The following CYP1B1 variants were observed in gnomAD, a reference collection of about 807,000 sequenced individuals.
The protein encoded by CYP1B1 is cytochrome P450 1B1.
A neutral mutation model predicts 29.9 loss-of-function variants in CYP1B1; 22 were observed. That is an observed-to-expected ratio of 0.74 (90% CI 0.53 to 1.05). CYP1B1 has a LOEUF of 1.05. CYP1B1 is among the 50% of genes least tolerant of loss of function. The probability of loss-of-function intolerance (pLI) is 0.00; values close to 1 mark genes in which losing one functional copy is unlikely to be tolerated. For synonymous variants in CYP1B1, 375 were observed against 320.0 expected (o/e 1.17, Z -1.83); for missense variants, 883 against 746.9 (o/e 1.18, Z -2.12).
At position 38,071,010 on chromosome 2, in the gene CYP1B1, C is replaced by T. The variant is rs781513633; in HGVS notation, c.1344G>A (p.Lys448=). ...TCAGGTCCTTGTTGATGAGGCCATC[C>T]TTGTCCAAGAATCGAGCTGGATCAA... ...ENFDPARFLD[K]DGLINKDLTS... is the part of the protein sequence containing the mutation. The change falls in exon 3 of 3, where the codon AAG becomes AAA. Residue 448 remains lysine, a synonymous_variant. Transcript: ENST00000610745. 6.2e-7 allele frequency: 1 copy of T among 1,614,116 alleles called. No homozygotes were observed. The highest frequency in any genetic ancestry group is 1.3e-5 in the African/African-American group (1 of 75,044).
intron 2 of CYP1B1, among the ~76,000 whole-genome samples, chr2:38,073,236 G>A: frequency 6.6e-6 from 1 of 152,220 alleles, no homozygotes. Context: ...AGGAAATATA[G>A]ATTGCAGTGG....
chr2:38,074,359 G>C lies in CYP1B1; in HGVS notation c.1030C>G (p.Leu344Val). ...CAGAGGCTTTACCTGGTGAAGAGGA[G>C]GAGCAGCCACTGCAGCGCGGTGGAC... ...TLSTALQWLL[L>V]LFTRYPDVQT... Residue 344 changes from leucine to valine, a missense_variant, in exon 2 of 3, where the codon CTC (leucine) becomes GTC (valine). Coordinates refer to ENST00000610745, the MANE Select transcript of CYP1B1 (RefSeq NM_000104.4). 3.1e-6 allele frequency: 5 copies of C among 1,613,410 alleles called. No individual in the cohort carries two copies. The highest frequency in any genetic ancestry group is 4.2e-6 in the Non-Finnish European group (5 of 1,179,976).
chr2:38,073,124 C>T (rs1682461708), intron 2 of CYP1B1, among the ~76,000 whole-genome samples: 1 of 152,172 alleles, frequency 6.6e-6, no homozygotes, highest in South Asian at 2.1e-4. Context: ...CGATTTCTGC[C>T]TCTCCCTCAC....
Position 38,074,874 on chromosome 2 carries a change from C to T in CYP1B1, c.515G>A (p.Ser172Asn). The T allele has an allele frequency of 6.4e-7, 1 of 1,555,604 alleles. No individual in the cohort carries two copies. Residue 172 changes from serine to asparagine, a missense_variant, in exon 2 of 3, where the codon AGC becomes AAC. Ser to Asn is a conservative substitution (Grantham distance 46). Transcript: ENST00000610745. ...CAGCGCCACCAGCTCGCGCGCCTCG[C>T]TCAGCACGTGGCCCTCGAGGACTTG... is the stretch of plus-strand genomic sequence containing the variant. The part of the protein sequence containing the change: ...SRQVLEGHVL[S>N]EARELVALLV...
Position 38,071,040 on chromosome 2 carries a change from C to G in CYP1B1, c.1314G>C (p.Glu438Asp), listed in dbSNP as rs1206443598. The stretch of plus-strand genomic sequence containing the variant: ...CCAAGAATCGAGCTGGATCAAAGTT[C>G]TCCGGGTTAGGCCACTTCAGTGGGT... ...NHDPLKWPNP[E>D]NFDPARFLDK... Residue 438 changes from glutamate (E) to aspartate (D), a missense_variant, in exon 3 of 3, where the codon GAG becomes GAC. Coordinates refer to ENST00000610745, the MANE Select transcript of CYP1B1 (RefSeq NM_000104.4). The G allele has an allele frequency of 1.9e-6, 3 of 1,614,020 alleles. No individual in the cohort carries two copies. Among genetic ancestry groups the G allele is most frequent in the Non-Finnish European group, 8.5e-7 (1 of 1,180,010 alleles).
At chr2:38,073,234 T>C (rs960539980) in intron 2 of CYP1B1, among the ~76,000 whole-genome samples, 2 of 152,232 alleles carry the variant, frequency 1.3e-5, no homozygotes, top group Non-Finnish European at 2.9e-5. Flanking sequence ...TAAGGAAATA[T>C]AGATTGCAGT....
chr2:38,070,962 T>G lies in CYP1B1; in HGVS notation c.1392A>C (p.Ser464=). ...CGCCAATGCACCGCCTTTTGCCCACTGAAAAAATCATCACTCTGCTGGTCA... is the reference window on the plus strand; with the variant it reads ...CGCCAATGCACCGCCTTTTGCCCACGGAAAAAATCATCACTCTGCTGGTCA... ...KDLTSRVMIF[S]VGKRRCIGEE... Residue 464 remains serine (S), a synonymous_variant, in exon 3 of 3, where the codon TCA becomes TCC. Transcript: ENST00000610745. The G allele has an allele frequency of 6.2e-7, 1 of 1,614,184 alleles. No individual in the cohort carries two copies. The highest frequency in any genetic ancestry group is 8.5e-7 in the Non-Finnish European group (1 of 1,180,024).
rs778201904 is a variant in CYP1B1 at position 38,075,385 on chromosome 2, C to G, written c.4G>C (p.Gly2Arg). The stretch of plus-strand genomic sequence containing the variant: ...GGGTCGTTCGGGCTGAGGCTGGTGC[C>G]CATGCTGGGGACAGAGAGGAGAAGG... M[G>R]TSLSPNDPWP... Residue 2 changes from glycine to arginine, a missense_variant, in exon 2 of 3, where the codon GGC becomes CGC. Transcript: ENST00000610745. The G allele has an allele frequency of 6.2e-7, 1 of 1,612,358 alleles. No homozygotes were observed. The highest frequency in any genetic ancestry group is 1.1e-5 in the South Asian group (1 of 90,872).
chr2:38,071,199 A>G lies in CYP1B1; in HGVS notation c.1155T>C (p.Leu385=). 6.2e-7 allele frequency: 1 copy of G among 1,613,604 alleles called. No homozygotes were observed. The highest frequency in any genetic ancestry group is 8.5e-7 in the Non-Finnish European group (1 of 1,180,034). Residue 385 remains leucine (L), a synonymous_variant, in exon 3 of 3, where the codon CTT becomes CTC. Coordinates refer to ENST00000610745, the MANE Select transcript of CYP1B1 (RefSeq NM_000104.4). ...AGCTGGAGAAGCGCATGGCTTCATA[A>G]AGGAAGGCCAGGACATAGGGCAGGT... is the stretch of plus-strand genomic sequence containing the variant. ...QPNLPYVLAF[L]YEAMRFSSFV... is the part of the protein sequence containing the mutation.
intron 2 of CYP1B1, among the ~76,000 whole-genome samples, chr2:38,072,703 G>T (rs1682453722): frequency 6.6e-6 from 1 of 152,184 alleles, no homozygotes; most frequent in South Asian, 2.1e-4. Flanking sequence ...GGTGGGGAGA[G>T]CCAGAGAGTA....
rs162549 is a variant in CYP1B1, at chr2:38,068,313, T to A, written c.*2409A>T. On this transcript the variant is annotated 3_prime_UTR_variant, in exon 3 of 3. Coordinates refer to ENST00000610745, the MANE Select transcript of CYP1B1 (RefSeq NM_000104.4). The stretch of plus-strand genomic sequence containing the variant: ...TTAACTAGGTTATAAGCATATTAAA[T>A]AAGCCAGGTAAACTCCAAGCACCTT... 40,955 of 223,730 alleles carry A rather than the reference T, an allele frequency of 0.18. 4,078 individuals are homozygous for A. The highest frequency in any genetic ancestry group is 0.21 in the Middle Eastern group (158 of 742). The allele number at this position is 223,730 out of a possible 1,614,324, so 13.9% of individuals were successfully genotyped here. A position where few individuals can be genotyped will look rare whatever the true frequency, so the allele number is the denominator to read the frequency against.
chr2:38,075,077 G>A lies in CYP1B1; in HGVS notation c.312C>T (p.His104=), dbSNP rs1364693069. Residue 104 remains histidine (H), a synonymous_variant, in exon 2 of 3, where the codon CAC becomes CAT. Coordinates refer to ENST00000610745, the MANE Select transcript of CYP1B1 (RefSeq NM_000104.4). ...IVVLNGERAI[H]QALVQQGSAF... ...CCGAGCCCTGCTGCACCAGGGCCTG[G>A]TGGATGGCGCGCTCGCCATTCAGCA... 14 of 1,582,400 alleles carry A rather than the reference G, an allele frequency of 8.8e-6. No individual in the cohort carries two copies. The highest frequency in any genetic ancestry group is 1.2e-5 in the Non-Finnish European group (14 of 1,172,148).
chr2:38,074,753 G>A lies in CYP1B1; in HGVS notation c.636C>T (p.Cys212=). The A allele has an allele frequency of 1.9e-6, 3 of 1,601,242 alleles. No individual in the cohort carries two copies. The highest frequency in any genetic ancestry group is 2.6e-6 in the Non-Finnish European group (3 of 1,174,716). ...ANVMSAVCFG[C]RYSHDDPEFR... ...ACTCGGGGTCGTCGTGGCTGTAGCG[G>A]CAGCCGAAACACACGGCACTCATGA... The change falls in exon 2 of 3, where the codon TGC becomes TGT. Residue 212 remains cysteine, a synonymous_variant. Transcript: ENST00000610745.
rs1573269570 is a variant in CYP1B1, at chr2:38,068,438, T to C, written c.*2284A>G. The C allele has an allele frequency of 4.4e-6, 1 of 226,620 alleles. No individual in the cohort carries two copies. Among genetic ancestry groups the C allele is most frequent in the African/African-American group, 2.2e-5 (1 of 44,870 alleles). 14.0% of individuals were successfully genotyped at this position (226,620 alleles called of 1,614,324 possible). A position where few individuals can be genotyped will look rare whatever the true frequency, so the allele number is the denominator to read the frequency against. On this transcript the variant is annotated 3_prime_UTR_variant, in exon 3 of 3. Transcript: ENST00000610745. The stretch of plus-strand genomic sequence containing the variant: ...CAGATTATAGCACATCTGGACCTGG[T>C]TGACATAATGAGGCATCCAGATTGG...
rs570388762 is a variant in CYP1B1 at position 38,069,453 on chromosome 2, A to G, written c.*1269T>C. 1 of 206,760 alleles carries G rather than the reference A, an allele frequency of 4.8e-6. No individual in the cohort carries two copies. The highest frequency in any genetic ancestry group is 2.3e-5 in the African/African-American group (1 of 43,906). 12.8% of individuals were successfully genotyped at this position (206,760 alleles called of 1,614,324 possible). A position where few individuals can be genotyped will look rare whatever the true frequency, so the allele number is the denominator to read the frequency against. Reference sequence around the variant, plus strand: ...TTCCACTAACTTCAACTGGAACTCAATAATCAGAATGGCTTTAAAATTTAG... The same window carrying G: ...TTCCACTAACTTCAACTGGAACTCAGTAATCAGAATGGCTTTAAAATTTAG... On this transcript the variant is annotated 3_prime_UTR_variant, in exon 3 of 3. Transcript: ENST00000610745.
rs1682367298 is a variant in CYP1B1 at position 38,068,837 on chromosome 2, A to C, written c.*1885T>G. ...TGCTTTGAATTTTGTGCTCCAAATTAATTAATTCAGAATGAGTGGGAAAAT... is the reference window on the plus strand; with the variant it reads ...TGCTTTGAATTTTGTGCTCCAAATTCATTAATTCAGAATGAGTGGGAAAAT... On this transcript the variant is annotated 3_prime_UTR_variant, in exon 3 of 3. Transcript: ENST00000610745. The C allele has an allele frequency of 8.8e-6, 2 of 226,796 alleles. No individual in the cohort carries two copies. Among genetic ancestry groups the C allele is most frequent in the East Asian group, 1.3e-4 (2 of 15,736 alleles). The allele number at this position is 226,796 out of a possible 1,614,324, so 14.0% of individuals were successfully genotyped here.
At chr2:38,073,864 CGGGCGGCCCGCTTTTAGCGCCAGGGCT>C (rs1335236417) in intron 2 of CYP1B1, 1 of 161,202 alleles carries the variant, frequency 6.2e-6, no homozygotes, top group East Asian at 1.8e-4. Context: ...AAAGCCCTGA[CGGGCGGCCCGCTTTTAGCGCCAGGGCT>C]GGGCGGCCTC....
Position 38,070,482 on chromosome 2 carries a change from A to T in CYP1B1, c.*240T>A. 1 of 536,196 alleles carries T rather than the reference A, an allele frequency of 1.9e-6. No individual in the cohort carries two copies. The highest frequency in any genetic ancestry group is 3.3e-6 in the Non-Finnish European group (1 of 301,268). 33.2% of individuals were successfully genotyped at this position (536,196 alleles called of 1,614,324 possible). On this transcript the variant is annotated 3_prime_UTR_variant, in exon 3 of 3. Transcript: ENST00000610745. ...AACCAAGATGCAGTATGTATATAATAATTCATTGGGCCCTTTAAGTCTTTG... is the reference window on the plus strand; with the variant it reads ...AACCAAGATGCAGTATGTATATAATTATTCATTGGGCCCTTTAAGTCTTTG...
At position 38,074,855 on chromosome 2, in the gene CYP1B1, C is replaced by A; in HGVS notation, c.534G>T (p.Val178=). Residue 178 remains valine (V), a synonymous_variant, in exon 2 of 3, where the codon GTG becomes GTT. Coordinates refer to ENST00000610745, the MANE Select transcript of CYP1B1 (RefSeq NM_000104.4). ...GHVLSEAREL[V]ALLVRGSADG... ...CCGCGCTGCCGCGCACCAGCAGCGC[C>A]ACCAGCTCGCGCGCCTCGCTCAGCA... 2 of 1,557,118 alleles carry A rather than the reference C, an allele frequency of 1.3e-6. No individual in the cohort carries two copies. Among genetic ancestry groups the A allele is most frequent in the Admixed American group, 1.9e-5 (1 of 51,780 alleles).
Sources: allele counts gnomAD v4.1 joint callset (sites outside exome capture counted in the v4.1 genomes callset), GRCh38; gene constraint gnomAD v4.1.1; transcripts MANE v1.5; gene names NCBI Gene and HGNC (gene_info 2026-07-23, HGNC 2026-07-21).